Variants in BCL2L1 observed in about 807,000 individuals in gnomAD.
BCL2L1 encodes bcl-2-like protein 1.
A neutral mutation model predicts 18.7 loss-of-function variants in BCL2L1; 1 was observed. That is an observed-to-expected ratio of 0.05 (90% CI 0.02 to 0.25). BCL2L1 has a LOEUF of 0.25. BCL2L1 is among the 10% of genes least tolerant of loss of function. BCL2L1 has a pLI of 1.00. For synonymous variants in BCL2L1, 103 were observed against 122.7 expected, an observed-to-expected ratio of 0.84 and a Z score of 1.06; for missense variants, 207 against 304.9, an observed-to-expected ratio of 0.68 and a Z score of 2.39.
rs2122878143 is a variant in BCL2L1, at chr20:31,722,028, G to A, written c.191C>T (p.Ala64Val). 6 of 1,611,742 alleles carry A rather than the reference G, an allele frequency of 3.7e-6. No homozygotes were observed. The highest frequency in any genetic ancestry group is 5.1e-6 in the Non-Finnish European group (6 of 1,178,424). ...NPSWHLADSP[A>V]VNGATGHSSS... is the part of the protein sequence containing the mutation. ...GCTGTGGCCAGTGGCTCCATTCACC[G>A]CGGGGCTGTCTGCCAGGTGCCAGGA... is the stretch of plus-strand genomic sequence containing the variant. Residue 64 changes from alanine (A) to valine (V), a missense_variant, in exon 2 of 3, where the codon GCG becomes GTG. Physicochemically the swap from Ala to Val is moderately conservative, Grantham distance 64. Coordinates refer to ENST00000307677, the MANE Select transcript of BCL2L1 (RefSeq NM_138578.3).
chr20:31,693,688 G>A (rs770963057), intron 2 of BCL2L1, among the ~76,000 whole-genome samples: 7 of 152,020 alleles, frequency 4.6e-5, no homozygotes, highest in African/African-American at 1.2e-4. Context: ...GCACCACCAC[G>A]CCCAGCTATT....
In BCL2L1 at chr20:31,722,036, G is replaced by C. The variant is rs1168000429; in HGVS notation, c.183C>G (p.Asp61Glu). Residue 61 changes from aspartate to glutamate, a missense_variant, in exon 2 of 3, where the codon GAC (aspartate) becomes GAG (glutamate). Coordinates refer to ENST00000307677, the MANE Select transcript of BCL2L1 (RefSeq NM_138578.3). The stretch of plus-strand genomic sequence containing the variant: ...CAGTGGCTCCATTCACCGCGGGGCT[G>C]TCTGCCAGGTGCCAGGATGGGTTGC... Reference protein sequence around the residue: ...INGNPSWHLADSPAVNGATGH... With the variant: ...INGNPSWHLAESPAVNGATGH... The C allele has an allele frequency of 6.2e-7, 1 of 1,609,920 alleles. No individual in the cohort carries two copies. Among genetic ancestry groups the C allele is most frequent in the South Asian group, 1.1e-5 (1 of 90,450 alleles).
chr20:31,723,875 C>T, upstream of BCL2L1: 1 of 985,480 alleles, frequency 1.0e-6, no homozygotes, highest in Non-Finnish European at 1.2e-6. Context: ...TGGCTGACTG[C>T]TCGCGCCGTC....
intron 2 of BCL2L1, among the ~76,000 whole-genome samples, chr20:31,683,506 C>T (rs150991857): frequency 0.013 from 1,925 of 152,260 alleles, 36 homozygotes; most frequent in African/African-American, 0.044. Context: ...CAGTGGCTCA[C>T]GCCTGTAATC....
At chr20:31,704,102 AC>A (rs201494652) in intron 2 of BCL2L1, among the ~76,000 whole-genome samples, 4 of 117,724 alleles carry the variant, frequency 3.4e-5, no homozygotes, top group South Asian at 2.6e-4. Context: ...CCGGCCCTAA[AC>A]CTTTTTTTTT....
In BCL2L1 at chr20:31,722,205, T is replaced by C; in HGVS notation, c.14A>G (p.Asn5Ser). The C allele has an allele frequency of 1.3e-6, 2 of 1,496,788 alleles. No homozygotes were observed. Among genetic ancestry groups the C allele is most frequent in the Admixed American group, 2.3e-5 (1 of 43,900 alleles). The allele number at this position is 1,496,788 out of a possible 1,614,324, so 92.7% of individuals were successfully genotyped here. ...GAGAAAGTCAACCACCAGCTCCCGG[T>C]TGCTCTGAGACATTTTTATAATAGG... MSQS[N>S]RELVVDFLSY... The change falls in exon 2 of 3, where the codon AAC (asparagine) becomes AGC (serine). Residue 5 changes from asparagine to serine, a missense_variant. Transcript: ENST00000307677.
At chr20:31,667,627 C>T (rs1483298407) in intron 2 of BCL2L1, among the ~76,000 whole-genome samples, 1 of 151,920 alleles carries the variant, frequency 6.6e-6, no homozygotes, top group Non-Finnish European at 1.5e-5. Context: ...TCAAGACAGG[C>T]ATGCCATCTC....
intron 2 of BCL2L1, among the ~76,000 whole-genome samples, chr20:31,683,714 A>G (rs976663769): frequency 7.4e-6 from 1 of 135,036 alleles, no homozygotes. Context: ...GGTTGCAGTG[A>G]GCCGAGGCTG....
chr20:31,715,614 C>T (rs1472047003), intron 2 of BCL2L1, among the ~76,000 whole-genome samples: 1 of 152,150 alleles, frequency 6.6e-6, no homozygotes, highest in Admixed American at 6.5e-5. Context: ...GACATACCAT[C>T]CCAAAATATG....
chr20:31,669,758 G>A (rs2060638933), intron 2 of BCL2L1, among the ~76,000 whole-genome samples: 1 of 152,040 alleles, frequency 6.6e-6, no homozygotes, highest in South Asian at 2.1e-4. Flanking sequence ...GTGTCTTGAT[G>A]AGGGCAGAGG....
chr20:31,708,292 A>C (rs6121172), intron 2 of BCL2L1, among the ~76,000 whole-genome samples: 56,281 of 152,108 alleles, frequency 0.37, 12,563 homozygotes, highest in African/African-American at 0.61. Flanking sequence ...ACAAGGGAAG[A>C]AGCAGCAGCC....
intron 2 of BCL2L1, among the ~76,000 whole-genome samples, chr20:31,675,037 G>A (rs990057459): frequency 6.6e-6 from 1 of 152,174 alleles, no homozygotes; most frequent in Non-Finnish European, 1.5e-5. Flanking sequence ...CCAGCTGAGG[G>A]GAACTGGTGC....
At chr20:31,697,988 A>T (rs919325753) in intron 2 of BCL2L1, among the ~76,000 whole-genome samples, 1 of 149,670 alleles carries the variant, frequency 6.7e-6, no homozygotes, top group Non-Finnish European at 1.5e-5. Context: ...CCCGGGCTCA[A>T]GCAGTTTTCC....
At chr20:31,689,744 G>A (rs1231262996) in intron 2 of BCL2L1, among the ~76,000 whole-genome samples, 2 of 152,352 alleles carry the variant, frequency 1.3e-5, no homozygotes, top group African/African-American at 2.4e-5. Context: ...TGCCAGGCGC[G>A]GTGGCGCACG....
chr20:31,712,072 A>C (rs1281636730), intron 2 of BCL2L1, among the ~76,000 whole-genome samples: 1 of 152,194 alleles, frequency 6.6e-6, no homozygotes, highest in East Asian at 1.9e-4. Context: ...ACCTGGTTTC[A>C]AATGCTGACT....
intron 2 of BCL2L1, among the ~76,000 whole-genome samples, chr20:31,671,053 G>A (rs1316555433): frequency 1.3e-5 from 2 of 152,062 alleles, no homozygotes; most frequent in Admixed American, 1.3e-4. Context: ...GGAGACCCAG[G>A]CCCAAGGGCC....
chr20:31,704,163 G>T (rs1166228010), intron 2 of BCL2L1, among the ~76,000 whole-genome samples: 16 of 147,058 alleles, frequency 1.1e-4, no homozygotes, highest in African/African-American at 4.1e-4. Flanking sequence ...GAGTGCAGTG[G>T]CGCGATCTCA....
chr20:31,704,860 T>C (rs1385737552), intron 2 of BCL2L1, among the ~76,000 whole-genome samples: 1 of 152,232 alleles, frequency 6.6e-6, no homozygotes, highest in Non-Finnish European at 1.5e-5. Flanking sequence ...GAGTTACTGA[T>C]TGATTACTAA....
At chr20:31,672,860 T>TC (rs911669474) in intron 2 of BCL2L1, among the ~76,000 whole-genome samples, 31 of 151,766 alleles carry the variant, frequency 2.0e-4, no homozygotes, top group African/African-American at 7.5e-4. Flanking sequence ...CACATTTCCT[T>TC]CTTTTTTTTT....
Sources: gnomAD v4.1 joint callset for allele counts (sites outside exome capture counted in the v4.1 genomes callset) on GRCh38, gnomAD v4.1.1 for gene constraint, MANE v1.5 for transcripts, NCBI Gene and HGNC (gene_info 2026-07-23, HGNC 2026-07-21) for gene names.